The following PAX5 variants were observed in gnomAD, a reference collection of about 807,000 sequenced individuals.
The protein encoded by PAX5 is paired box 5.
Under a neutral mutation model 43.7 loss-of-function variants are expected in PAX5, and 9 were observed. The observed-to-expected ratio is 0.21, with a 90% confidence interval of 0.12 to 0.36. The LOEUF (loss-of-function observed/expected upper bound fraction) is 0.36. Ranked by LOEUF, PAX5 falls within the 10% of genes least tolerant of loss-of-function variation. The probability of loss-of-function intolerance (pLI) is 1.00; values close to 1 mark genes in which losing one functional copy is unlikely to be tolerated. For synonymous variants in PAX5, 228 were observed against 214.3 expected (o/e 1.06, Z -0.56); for missense variants, 383 against 532.7 (o/e 0.72, Z 2.77).
chr9:36,973,078 C>CGGAAAGGAAA (rs1324043285), intron 5 of PAX5, among the ~76,000 whole-genome samples: 1 of 21,526 alleles, frequency 4.6e-5, no homozygotes, highest in African/African-American at 1.3e-4. Flanking sequence ...AGGAACGGAA[C>CGGAAAGGAAA]GGAACGGAAA....
At chr9:36,953,613 T>G (rs1033360260) in intron 6 of PAX5, among the ~76,000 whole-genome samples, 2 of 152,210 alleles carry the variant, frequency 1.3e-5, no homozygotes, top group Admixed American at 1.3e-4. Flanking sequence ...TCCAGTCTAG[T>G]GATGAGCCCA....
chr9:36,903,795 A>G (rs1587924778), intron 7 of PAX5, among the ~76,000 whole-genome samples: 1 of 152,186 alleles, frequency 6.6e-6, no homozygotes. Context: ...ATATCACCCA[A>G]GAAGCCCCAT....
At chr9:36,879,724 C>T (rs532317153) in intron 8 of PAX5, among the ~76,000 whole-genome samples, 3 of 152,326 alleles carry the variant, frequency 2.0e-5, no homozygotes, top group South Asian at 2.1e-4. Context: ...AGGACTGTTG[C>T]GTCATAGCAC....
At chr9:36,979,051 G>A (rs1835690943) in intron 5 of PAX5, among the ~76,000 whole-genome samples, 1 of 152,208 alleles carries the variant, frequency 6.6e-6, no homozygotes, top group African/African-American at 2.4e-5. Flanking sequence ...ACTGTCCACT[G>A]TCTCTGATAG....
At chr9:36,927,685 C>T (rs1002605279) in intron 6 of PAX5, among the ~76,000 whole-genome samples, 1 of 151,704 alleles carries the variant, frequency 6.6e-6, no homozygotes, top group South Asian at 2.1e-4. Flanking sequence ...CTGCACTTCA[C>T]CATCTGTGCC....
chr9:36,840,418 AAG>A lies in PAX5; in HGVS notation c.*140_*141del. On this transcript the variant is annotated 3_prime_UTR_variant, in exon 10 of 10. Transcript: ENST00000358127. ...CAAAGGGCCCCAGAGTCCCTGGAGG[AAG>A]AGAGGAAGAGGGGAGCTTCAGGCAA... 1.2e-6 allele frequency: 1 copy of A among 801,490 alleles called. No individual in the cohort carries two copies. Among genetic ancestry groups the A allele is most frequent in the East Asian group, 2.7e-5 (1 of 37,606 alleles). The allele number at this position is 801,490 out of a possible 1,614,324, so 49.6% of individuals were successfully genotyped here.
At chr9:36,883,744 GAAA>G (rs1826666578) in intron 7 of PAX5, among the ~76,000 whole-genome samples, 1 of 151,732 alleles carries the variant, frequency 6.6e-6, no homozygotes, top group African/African-American at 2.4e-5. Context: ...ATTGTTATTT[GAAA>G]AGAACAATAA....
At chr9:36,899,565 G>A (rs1317704531) in intron 7 of PAX5, among the ~76,000 whole-genome samples, 1 of 151,996 alleles carries the variant, frequency 6.6e-6, no homozygotes, top group Non-Finnish European at 1.5e-5. Context: ...CCCAATCGGT[G>A]TTACTTTCCA....
At chr9:37,033,951 A>G in intron 1 of PAX5, 35 bp downstream of exon 1, 3 of 1,607,548 alleles carry the variant, frequency 1.9e-6, no homozygotes, top group Non-Finnish European at 2.6e-6. Context: ...CGTGTCCCGG[A>G]GTTTGCACAT....
intron 8 of PAX5, among the ~76,000 whole-genome samples, chr9:36,869,847 A>AATGGATGGATGGATGGATGGATGG (rs113287865): frequency 5.1e-5 from 6 of 117,966 alleles, no homozygotes; most frequent in African/African-American, 1.8e-4. Flanking sequence ...TGGATGGATA[A>AATGGATGGATGGATGGATGGATGG]ATGGATGGAT....
chr9:36,992,071 A>T (rs1003972388), intron 5 of PAX5, among the ~76,000 whole-genome samples: 2 of 152,216 alleles, frequency 1.3e-5, no homozygotes, highest in Admixed American at 6.5e-5. Context: ...AATGAAAACT[A>T]GAAATTTCAA....
intron 8 of PAX5, among the ~76,000 whole-genome samples, chr9:36,857,063 A>G (rs1452432154): frequency 6.6e-6 from 1 of 152,234 alleles, no homozygotes; most frequent in Non-Finnish European, 1.5e-5. Flanking sequence ...TGTATTCATG[A>G]TAAGTGTCAA....
intron 8 of PAX5, among the ~76,000 whole-genome samples, chr9:36,870,734 T>G (rs750810714): frequency 5.8e-4 from 89 of 152,354 alleles, no homozygotes; most frequent in Non-Finnish European, 2.1e-4. Flanking sequence ...TTTAGGATCC[T>G]GTGGGAAGTC....
At chr9:36,910,409 C>T (rs1829169997) in intron 7 of PAX5, among the ~76,000 whole-genome samples, 1 of 152,240 alleles carries the variant, frequency 6.6e-6, no homozygotes, top group Non-Finnish European at 1.5e-5. Context: ...TTCTTTCCCA[C>T]TCCATTGTGT....
intron 6 of PAX5, among the ~76,000 whole-genome samples, chr9:36,946,191 G>A (rs1415168901): frequency 6.6e-6 from 1 of 152,084 alleles, no homozygotes; most frequent in African/African-American, 2.4e-5. Context: ...CCGTCAGGAT[G>A]CAGTGCTCCA....
At chr9:36,885,594 G>A (rs533555852) in intron 7 of PAX5, among the ~76,000 whole-genome samples, 1 of 152,268 alleles carries the variant, frequency 6.6e-6, no homozygotes, top group South Asian at 2.1e-4. Context: ...CAGTCACACA[G>A]CTAGAATATT....
At chr9:36,944,790 C>T (rs1487887551) in intron 6 of PAX5, among the ~76,000 whole-genome samples, 2 of 152,152 alleles carry the variant, frequency 1.3e-5, no homozygotes, top group East Asian at 1.9e-4. Flanking sequence ...GGGCAGTTAC[C>T]CAATTGAATG....
chr9:36,960,866 C>G (rs1222649388), intron 6 of PAX5, among the ~76,000 whole-genome samples: 1 of 152,334 alleles, frequency 6.6e-6, no homozygotes, highest in Middle Eastern at 3.4e-3. Flanking sequence ...GCTGCTCCTT[C>G]GGCCTAGAAT....
At position 36,839,302 on chromosome 9, in the gene PAX5, C is replaced by T; in HGVS notation, c.*1258G>A. ...GTTCCCGTGGCCCTTGGCCGTGGCC[C>T]TGACCATCGCGGCCCCTTAGATCAA... On this transcript the variant is annotated 3_prime_UTR_variant, in exon 10 of 10. Transcript: ENST00000358127. The T allele has an allele frequency of 4.3e-6, 1 of 233,560 alleles. No homozygotes were observed. Among genetic ancestry groups the T allele is most frequent in the East Asian group, 6.0e-5 (1 of 16,592 alleles). The allele number at this position is 233,560 out of a possible 1,614,324, so 14.5% of individuals were successfully genotyped here. A position where few individuals can be genotyped will look rare whatever the true frequency, so the allele number is the denominator to read the frequency against.
Sources: gnomAD v4.1 joint callset for allele counts (sites outside exome capture counted in the v4.1 genomes callset) on GRCh38, gnomAD v4.1.1 for gene constraint, MANE v1.5 for transcripts, NCBI Gene and HGNC (gene_info 2026-07-23, HGNC 2026-07-21) for gene names.